Variants in DOCK9 observed in about 807,000 individuals in gnomAD.
DOCK9 encodes the protein dedicator of cytokinesis 9.
A neutral mutation model predicts 263.3 loss-of-function variants in DOCK9; 89 were observed. The ratio of observed to expected loss-of-function variants is 0.34; its 90% CI spans 0.28 to 0.40. The LOEUF (loss-of-function observed/expected upper bound fraction) is 0.40, where lower values mean the gene tolerates loss of function less well. Among genes scored for constraint, DOCK9 ranks in the 10% least tolerant of loss-of-function variants. The probability of loss-of-function intolerance (pLI) is 1.00; values close to 1 mark genes in which losing one functional copy is unlikely to be tolerated. For missense variants in DOCK9, 2,140 were observed against 2,603.4 expected (o/e 0.82, Z 3.87); for synonymous variants, 976 against 973.1 (o/e 1.00, Z -0.06).
chr13:98,991,913 CTCCCCACCTG>C (rs544207842), intron 1 of DOCK9, among the ~76,000 whole-genome samples: 148 of 152,134 alleles, frequency 9.7e-4, no homozygotes, highest in Non-Finnish European at 1.3e-3. Flanking sequence ...TCCTTGCTTT[CTCCCCACCTG>C]TGGGGCCACT....
At chr13:98,914,910 T>C (rs2050642670) in intron 8 of DOCK9, among the ~76,000 whole-genome samples, 1 of 152,204 alleles carries the variant, frequency 6.6e-6, no homozygotes, top group Non-Finnish European at 1.5e-5. Flanking sequence ...TATTTTATAA[T>C]ACAGTAAAAT....
intron 1 of DOCK9, among the ~76,000 whole-genome samples, chr13:98,976,713 G>T (rs779193043): frequency 3.3e-5 from 5 of 152,160 alleles, no homozygotes; most frequent in Non-Finnish European, 7.3e-5. Flanking sequence ...AATCTGCAGT[G>T]AAAAAGACCA....
At chr13:99,038,104 T>C (rs991312148) in intron 1 of DOCK9, among the ~76,000 whole-genome samples, 1 of 152,126 alleles carries the variant, frequency 6.6e-6, no homozygotes, top group African/African-American at 2.4e-5. Flanking sequence ...TCAATTATCA[T>C]CAATAAAGTG....
At chr13:99,015,449 G>C (rs774976815) in intron 1 of DOCK9, 398 of 1,591,726 alleles carry the variant, frequency 2.5e-4, no homozygotes, top group Non-Finnish European at 3.3e-4. Flanking sequence ...GCATTTACCA[G>C]CCAGGAGGAG....
intron 2 of DOCK9, among the ~76,000 whole-genome samples, chr13:98,943,765 G>A (rs533856626): frequency 1.8e-4 from 28 of 152,216 alleles, no homozygotes; most frequent in Middle Eastern, 3.4e-3. Context: ...AAAAATTACA[G>A]CTTTCTAGTC....
chr13:98,892,717 G>A (rs2046807063), intron 15 of DOCK9, among the ~76,000 whole-genome samples: 1 of 152,132 alleles, frequency 6.6e-6, no homozygotes, highest in South Asian at 2.1e-4. Flanking sequence ...GCTACTTACG[G>A]CATATGAGGG....
intron 27 of DOCK9, among the ~76,000 whole-genome samples, chr13:98,869,601 C>G (rs2094136480): frequency 6.6e-6 from 1 of 152,234 alleles, no homozygotes; most frequent in African/African-American, 2.4e-5. Flanking sequence ...CCCCATTTTA[C>G]AGACAGGAAA....
chr13:98,824,932 C>T (rs989113111), intron 44 of DOCK9, among the ~76,000 whole-genome samples: 15 of 152,190 alleles, frequency 9.9e-5, no homozygotes, highest in African/African-American at 3.6e-4. Context: ...TTCAAGCTGT[C>T]ACCTCACCCA....
chr13:99,058,533 C>T (rs1351062642), intron 1 of DOCK9, among the ~76,000 whole-genome samples: 1 of 152,140 alleles, frequency 6.6e-6, no homozygotes, highest in Admixed American at 6.5e-5. Context: ...GATGAGACAT[C>T]TGCTTGTGTC....
intron 45 of DOCK9, among the ~76,000 whole-genome samples, chr13:98,811,083 C>T (rs1454928426): frequency 2.0e-5 from 3 of 152,188 alleles, no homozygotes; most frequent in Non-Finnish European, 4.4e-5. Flanking sequence ...AAGGGCCTCC[C>T]TTCTGCTGCC....
At chr13:98,858,048 CAG>C (rs970152671) in intron 33 of DOCK9, 5 of 152,016 alleles carry the variant, frequency 3.3e-5, no homozygotes, top group African/African-American at 1.2e-4. Flanking sequence ...CCTAAGTTCT[CAG>C]AGTCTCAAGC....
intron 1 of DOCK9, among the ~76,000 whole-genome samples, chr13:98,961,072 CAT>C (rs2058585695): frequency 6.6e-6 from 1 of 152,196 alleles, no homozygotes; most frequent in Non-Finnish European, 1.5e-5. Flanking sequence ...GGCCTGTAAA[CAT>C]GTAGCTCAAC....
At chr13:99,055,822 AG>A (rs1239241604) in intron 1 of DOCK9, among the ~76,000 whole-genome samples, 2 of 151,868 alleles carry the variant, frequency 1.3e-5, no homozygotes, top group African/African-American at 2.4e-5. Context: ...ATACAGGCTA[AG>A]ACAGCTTTTA....
At chr13:98,898,126 C>T (rs1260203594) in intron 14 of DOCK9, 53 bp downstream of exon 14, 1 of 1,274,766 alleles carries the variant, frequency 7.8e-7, no homozygotes, top group African/African-American at 1.5e-5. Flanking sequence ...GCCTATTGAC[C>T]CATCCATGCA....
intron 38 of DOCK9, among the ~76,000 whole-genome samples, chr13:98,843,612 C>T (rs902593966): frequency 5.3e-5 from 8 of 152,204 alleles, no homozygotes; most frequent in African/African-American, 1.9e-4. Context: ...CTAGAAGAAT[C>T]AGCTACATGC....
chr13:98,906,566 A>T (rs1335480036), intron 9 of DOCK9, among the ~76,000 whole-genome samples: 4 of 152,166 alleles, frequency 2.6e-5, no homozygotes, highest in Non-Finnish European at 5.9e-5. Flanking sequence ...ACTTTCCCCA[A>T]AGACATGAGT....
At chr13:98,885,575 G>T in intron 20 of DOCK9, 133 bp downstream of exon 20, 3 of 945,072 alleles carry the variant, frequency 3.2e-6, no homozygotes, top group South Asian at 2.1e-5. Flanking sequence ...ACCCAGACAT[G>T]CTACATATCC....
Position 98,853,459 on chromosome 13 carries a change from T to C in DOCK9, c.3895A>G (p.Ile1299Val), listed in dbSNP as rs764944865. The C allele has an allele frequency of 6.2e-7, 1 of 1,613,850 alleles. No homozygotes were observed. Among genetic ancestry groups the C allele is most frequent in the Admixed American group, 1.7e-5 (1 of 59,988 alleles). ...VRCDKLDQSE[I>V]KSLLMCFLYI... ...AGGAAACACATCAGTAGGCTCTTAA[T>C]CTCAGACTGGTCAAGTTTATCACAG... Residue 1299 changes from isoleucine (I) to valine (V), a missense_variant, in exon 35 of 53, where the codon ATT becomes GTT. By Grantham distance (29) the Ile-to-Val change is conservative. This residue lies in a region of DOCK9 where 1,521 missense variants were observed against 1,741.7 expected (regional missense o/e 0.87). Transcript: ENST00000682017.
At position 98,880,601 on chromosome 13, in the gene DOCK9, C is replaced by T; in HGVS notation, c.2817G>A (p.Met939Ile). The T allele has an allele frequency of 6.2e-7, 1 of 1,613,826 alleles. No individual in the cohort carries two copies. The highest frequency in any genetic ancestry group is 8.5e-7 in the Non-Finnish European group (1 of 1,179,862). ...KTVHEELTKSMTTILKPSADF... is the reference protein window; with the variant it reads ...KTVHEELTKSITTILKPSADF... The stretch of plus-strand genomic sequence containing the variant: ...CGGCAGAAGGCTTGAGAATCGTGGT[C>T]ATGGATTTGGTCAGTTCTTCATGCA... The change falls in exon 26 of 53, where the codon ATG becomes ATA. Residue 939 changes from methionine to isoleucine, a missense_variant. Coordinates refer to ENST00000682017, the MANE Select transcript of DOCK9 (RefSeq NM_001366683.2).
Sources: allele counts gnomAD v4.1 joint callset (sites outside exome capture counted in the v4.1 genomes callset), GRCh38; gene constraint gnomAD v4.1.1; regional missense constraint gnomAD v4.1.1; transcripts MANE v1.5; gene names NCBI Gene and HGNC (gene_info 2026-07-23, HGNC 2026-07-21).